Variants in TMTC2 observed in about 807,000 individuals in gnomAD.
TMTC2 encodes the protein transmembrane O-mannosyltransferase targeting cadherins 2.
TMTC2 carries 43 observed loss-of-function variants against 82.4 expected under a neutral mutation model. The observed-to-expected ratio is 0.52, with a 90% CI of 0.41 to 0.67. TMTC2 has a LOEUF of 0.67. Ranked by LOEUF, TMTC2 falls within the 30% of genes least tolerant of loss-of-function variation. The pLI is 0.00. For synonymous variants in TMTC2, 408 were observed against 381.9 expected, an observed-to-expected ratio of 1.07 and a Z score of -0.80; for missense variants, 919 against 1,012.4, an observed-to-expected ratio of 0.91 and a Z score of 1.25.
In TMTC2 at chr12:83,011,762, C is replaced by T. The variant is rs569079682; in HGVS notation, c.2071-19036C>T. On this transcript the variant is annotated intron_variant, in intron 8 of 11. Transcript: ENST00000321196. ...CACTTTCTCTTTCATAAAATAGTTC[C>T]TCATTCTTCCAGGTAGCCTTCAAAT... 2.8e-4 allele frequency among the ~76,000 whole-genome samples: 43 copies of T among 152,286 alleles called. 1 individual carries two copies. Among genetic ancestry groups the T allele is most frequent in the Non-Finnish European group, 4.7e-4 (32 of 68,018 alleles).
chr12:82,935,839 G>C (rs12306827), intron 4 of TMTC2, among the ~76,000 whole-genome samples: 1,849 of 152,050 alleles, frequency 0.012, 29 homozygotes, highest in African/African-American at 0.042. Flanking sequence ...TGTGTTGTAA[G>C]AATCTTAGTA....
intron 7 of TMTC2, among the ~76,000 whole-genome samples, chr12:82,971,462 T>C (rs1462528237): frequency 6.6e-6 from 1 of 152,142 alleles, no homozygotes; most frequent in East Asian, 1.9e-4. Flanking sequence ...TCTTTTTTTA[T>C]AATTGTTTCT....
chr12:83,126,743 C>T (rs1248617094), intron 11 of TMTC2, among the ~76,000 whole-genome samples: 1 of 151,716 alleles, frequency 6.6e-6, no homozygotes, highest in Non-Finnish European at 1.5e-5. Flanking sequence ...TAAGCATGCC[C>T]ATGAAACAAA....
intron 2 of TMTC2, among the ~76,000 whole-genome samples, chr12:82,894,333 TTC>T (rs1199322301): frequency 2.6e-5 from 4 of 152,192 alleles, no homozygotes; most frequent in Non-Finnish European, 5.9e-5. Context: ...TCATAATTAG[TTC>T]TGTGGCTTCC....
At chr12:83,082,977 C>A (rs115167488) in intron 11 of TMTC2, among the ~76,000 whole-genome samples, 9 of 152,144 alleles carry the variant, frequency 5.9e-5, no homozygotes, top group African/African-American at 1.9e-4. Flanking sequence ...AAACAGTAAA[C>A]GGGGCTTCAT....
chr12:82,864,439 C>T (rs1031676507), intron 2 of TMTC2, among the ~76,000 whole-genome samples: 2 of 151,530 alleles, frequency 1.3e-5, no homozygotes, highest in East Asian at 1.9e-4. Context: ...ACTGAAAATC[C>T]TCCTGAAAGC....
At chr12:82,718,877 A>G (rs1446900819) in intron 1 of TMTC2, among the ~76,000 whole-genome samples, 3 of 151,834 alleles carry the variant, frequency 2.0e-5, no homozygotes, top group Non-Finnish European at 4.4e-5. Context: ...AAATAAACAG[A>G]TTAAACATAG....
At chr12:83,070,861 T>A (rs989197483) in intron 11 of TMTC2, among the ~76,000 whole-genome samples, 2 of 152,144 alleles carry the variant, frequency 1.3e-5, no homozygotes, top group Admixed American at 6.5e-5. Flanking sequence ...ACAGGGTACA[T>A]CCCTTGTATG....
intron 4 of TMTC2, among the ~76,000 whole-genome samples, chr12:82,964,769 G>A (rs966881595): frequency 1.3e-5 from 2 of 152,132 alleles, no homozygotes; most frequent in Admixed American, 6.6e-5. Flanking sequence ...AAAGGGGAAA[G>A]TTCAGTGGTG....
intron 11 of TMTC2, among the ~76,000 whole-genome samples, chr12:83,088,612 A>G (rs953404653): frequency 6.6e-6 from 1 of 152,230 alleles, no homozygotes; most frequent in Non-Finnish European, 1.5e-5. Context: ...AAGGAGAAAG[A>G]TGGAGTAACA....
intron 1 of TMTC2, among the ~76,000 whole-genome samples, chr12:82,777,804 C>A (rs1342391490): frequency 6.6e-6 from 1 of 152,090 alleles, no homozygotes; most frequent in African/African-American, 2.4e-5. Flanking sequence ...CTTGCACATT[C>A]ATCTCTTCAG....
At chr12:82,968,849 G>C (rs528669487) in intron 7 of TMTC2, among the ~76,000 whole-genome samples, 1 of 152,256 alleles carries the variant, frequency 6.6e-6, no homozygotes, top group Middle Eastern at 3.4e-3. Flanking sequence ...CATTAGAGAA[G>C]GAGATGGTTG....
intron 1 of TMTC2, among the ~76,000 whole-genome samples, chr12:82,782,304 C>T (rs1415161756): frequency 3.9e-5 from 6 of 152,098 alleles, no homozygotes; most frequent in Non-Finnish European, 7.4e-5. Context: ...TGTTTATCTA[C>T]TGTTTGATTA....
At chr12:83,073,828 G>T (rs766892158) in intron 11 of TMTC2, among the ~76,000 whole-genome samples, 12 of 151,942 alleles carry the variant, frequency 7.9e-5, no homozygotes, top group Non-Finnish European at 1.6e-4. Context: ...CTGAGTTTTT[G>T]ATTGTTTTTT....
intron 1 of TMTC2, among the ~76,000 whole-genome samples, chr12:82,800,156 GTCTC>G (rs1252605704): frequency 6.6e-6 from 1 of 152,034 alleles, no homozygotes; most frequent in Admixed American, 6.5e-5. Context: ...TAATAATAGT[GTCTC>G]TCTCACAGAG....
chr12:83,027,736 C>T (rs2403055), intron 8 of TMTC2, among the ~76,000 whole-genome samples: 90,021 of 151,930 alleles, frequency 0.59, 27,208 homozygotes, highest in South Asian at 0.73. Flanking sequence ...TCACCTTCAA[C>T]GTGTTTATTT....
intron 2 of TMTC2, among the ~76,000 whole-genome samples, chr12:82,881,793 A>G (rs1872835197): frequency 6.6e-6 from 1 of 152,212 alleles, no homozygotes; most frequent in Admixed American, 6.5e-5. Context: ...TACCAATATT[A>G]ATTTGTGCTT....
At chr12:82,705,619 TC>T (rs1191897717) in intron 1 of TMTC2, among the ~76,000 whole-genome samples, 2 of 152,234 alleles carry the variant, frequency 1.3e-5, no homozygotes, top group Non-Finnish European at 2.9e-5. Flanking sequence ...AATTAGGAAA[TC>T]AGCTCAAATA....
intron 2 of TMTC2, among the ~76,000 whole-genome samples, chr12:82,862,948 G>A (rs1324857476): frequency 6.6e-6 from 1 of 152,202 alleles, no homozygotes; most frequent in Non-Finnish European, 1.5e-5. Flanking sequence ...GGTATTGAAT[G>A]TAGTGTTTCT....
Sources: gnomAD v4.1 joint callset for allele counts (sites outside exome capture counted in the v4.1 genomes callset) on GRCh38, gnomAD v4.1.1 for gene constraint, MANE v1.5 for transcripts, NCBI Gene and HGNC (gene_info 2026-07-23, HGNC 2026-07-21) for gene names.